The following NDUFAB1 variants were observed in gnomAD, a reference collection of about 807,000 sequenced individuals.
The protein encoded by NDUFAB1 is NADH:ubiquinone oxidoreductase subunit AB1.
NDUFAB1 carries 5 observed loss-of-function variants against 16.1 expected under a neutral mutation model. The ratio of observed to expected loss-of-function variants is 0.31; its 90% CI spans 0.16 to 0.65. The LOEUF is 0.65. Ranked by LOEUF, NDUFAB1 falls within the 30% of genes least tolerant of loss-of-function variation. NDUFAB1 has a pLI of 0.77. For missense variants in NDUFAB1, 187 were observed against 205.3 expected (o/e 0.91, Z 0.54); for synonymous variants, 85 against 78.4 (o/e 1.08, Z -0.44).
chr16:23,585,507 A>C (rs1966224872), intron 2 of NDUFAB1, 84 bp from the exon 3 acceptor site: 1 of 920,136 alleles, frequency 1.1e-6, no homozygotes, highest in South Asian at 1.3e-5. Context: ...AATGCCACTT[A>C]ATCACTATAT....
intron 3 of NDUFAB1, among the ~76,000 whole-genome samples, chr16:23,582,936 C>A (rs986899300): frequency 2.0e-5 from 3 of 152,362 alleles, no homozygotes; most frequent in African/African-American, 7.2e-5. Context: ...CCTGCCTCGG[C>A]CTGCCCAGTG....
chr16:23,584,254 T>TAAAAAAAAAAAAAAAAAAAA (rs774895056), intron 3 of NDUFAB1, among the ~76,000 whole-genome samples: 1 of 12,114 alleles, frequency 8.3e-5, no homozygotes, highest in Non-Finnish European at 2.3e-4. Flanking sequence ...GAATGATCAA[T>TAAAAAAAAAAAAAAAAAAAA]TAAAAAAAAA....
At chr16:23,588,838 C>T (rs933201528) in intron 1 of NDUFAB1, among the ~76,000 whole-genome samples, 1 of 152,048 alleles carries the variant, frequency 6.6e-6, no homozygotes, top group Non-Finnish European at 1.5e-5. Flanking sequence ...ATTAGCTGGG[C>T]GTGGTGGTGT....
chr16:23,582,302 C>A lies in NDUFAB1; in HGVS notation c.453G>T (p.Lys151Asn), dbSNP rs376110070. 5.1e-6 allele frequency: 8 copies of A among 1,567,644 alleles called. No homozygotes were observed. Among genetic ancestry groups the A allele is most frequent in the Non-Finnish European group, 6.9e-6 (8 of 1,158,632 alleles). ...TGATACTTTATTCATATACATCCTTCTTATCTGCAATGTAATCTACAATTT... is the reference window on the plus strand; with the variant it reads ...TGATACTTTATTCATATACATCCTTATTATCTGCAATGTAATCTACAATTT... ...PQEIVDYIAD[K>N]KDVYE The change falls in exon 4 of 5, where the codon AAG becomes AAT. Residue 151 changes from lysine to asparagine, a missense_variant. Transcript: ENST00000007516.
chr16:23,583,074 C>T (rs1966196385), intron 3 of NDUFAB1, among the ~76,000 whole-genome samples: 1 of 152,416 alleles, frequency 6.6e-6, no homozygotes, highest in South Asian at 2.1e-4. Flanking sequence ...CAGCCTCGGC[C>T]TCCCGAGGTG....
intron 3 of NDUFAB1, among the ~76,000 whole-genome samples, chr16:23,584,757 T>C (rs543963605): frequency 4.6e-5 from 7 of 152,302 alleles, no homozygotes; most frequent in African/African-American, 1.7e-4. Flanking sequence ...CTGTGAGGAA[T>C]TTTAACTAGG....
In NDUFAB1 at chr16:23,587,274, G is replaced by A. The variant is rs755969539; in HGVS notation, c.214C>T (p.Pro72Ser). Residue 72 changes from proline to serine, a missense_variant, in exon 2 of 5, where the codon CCT (proline) becomes TCT (serine). Around this residue, in one of 3 missense-constraint regions of NDUFAB1, gnomAD observed 135 missense variants for 129.4 expected, o/e 1.04. Coordinates refer to ENST00000007516, the MANE Select transcript of NDUFAB1 (RefSeq NM_005003.3). ...TQLCRQYSDM[P>S]PLTLEGIQDR... is the part of the protein sequence containing the mutation. ...TGGATGCCCTCTAACGTCAAAGGAG[G>A]CATGTCGCTATACTGGCGGCACAAC... is the stretch of plus-strand genomic sequence containing the variant. 4.3e-6 allele frequency: 7 copies of A among 1,613,952 alleles called. No individual in the cohort carries two copies. The Middle Eastern group carries it at 8.2e-4, about 190-fold the overall frequency.
chr16:23,587,117 G>A, intron 2 of NDUFAB1, 80 bp downstream of exon 2: 2 of 1,413,684 alleles, frequency 1.4e-6, no homozygotes, highest in Middle Eastern at 1.8e-4. Context: ...TTTTTACTGA[G>A]TATCTTTCCC....
intron 1 of NDUFAB1, among the ~76,000 whole-genome samples, chr16:23,588,795 TG>T (rs1270691936): frequency 6.6e-6 from 1 of 152,074 alleles, no homozygotes; most frequent in East Asian, 1.9e-4. Flanking sequence ...CTGGCCAACA[TG>T]GTGAAGCCTC....
chr16:23,581,797 GAGCT>G (rs1966182043), intron 4 of NDUFAB1: 1 of 152,368 alleles, frequency 6.6e-6, no homozygotes, highest in African/African-American at 2.4e-5. Flanking sequence ...GAGGCTTACA[GAGCT>G]AAGCAGCCTG....
chr16:23,588,654 C>A (rs898804041), intron 1 of NDUFAB1, among the ~76,000 whole-genome samples: 2 of 152,146 alleles, frequency 1.3e-5, no homozygotes, highest in Non-Finnish European at 2.9e-5. Context: ...ACCAGTATAA[C>A]CTCTGTAGAA....
At chr16:23,591,444 G>T (rs1966278466) in intron 1 of NDUFAB1, among the ~76,000 whole-genome samples, 1 of 152,172 alleles carries the variant, frequency 6.6e-6, no homozygotes, top group African/African-American at 2.4e-5. Context: ...GGCTTTAAAG[G>T]CCGTCTCTAC....
intron 1 of NDUFAB1, chr16:23,595,418 C>G (rs1312728335): frequency 2.7e-6 from 1 of 376,262 alleles, no homozygotes; most frequent in Admixed American, 3.4e-5. Context: ...CCCAAATCCC[C>G]GCACACTCAC....
chr16:23,582,952 G>C (rs1041510261), intron 3 of NDUFAB1, among the ~76,000 whole-genome samples: 17 of 148,568 alleles, frequency 1.1e-4, no homozygotes, highest in Non-Finnish European at 5.9e-5. Context: ...CAGTGCCTGC[G>C]ATTGCAGGCA....
chr16:23,596,316 C>T lies in NDUFAB1; in HGVS notation c.-26G>A. 6.6e-7 allele frequency: 1 copy of T among 1,520,132 alleles called. No individual in the cohort carries two copies. The allele number at this position is 1,520,132 out of a possible 1,614,324, so 94.2% of individuals were successfully genotyped here. The stretch of plus-strand genomic sequence containing the variant: ...GGCTACGCCAACCCAGGATGCACTG[C>T]GCCGCCGCCTCCGGACCAGGGTTCC... On this transcript the variant is annotated 5_prime_UTR_variant, in exon 1 of 5. Coordinates refer to ENST00000007516, the MANE Select transcript of NDUFAB1 (RefSeq NM_005003.3).
At chr16:23,584,789 A>T (rs1966219324) in intron 3 of NDUFAB1, among the ~76,000 whole-genome samples, 1 of 152,222 alleles carries the variant, frequency 6.6e-6, no homozygotes, top group Non-Finnish European at 1.5e-5. Flanking sequence ...AGAACAGCAC[A>T]GAAGTCCTTT....
intron 4 of NDUFAB1, chr16:23,582,069 T>C (rs1966184025): frequency 2.3e-6 from 1 of 437,710 alleles, no homozygotes; most frequent in African/African-American, 2.1e-5. Context: ...AAGGGAGTTC[T>C]ATCCAGGAAT....
At chr16:23,584,979 C>G (rs1485369145) in intron 3 of NDUFAB1, among the ~76,000 whole-genome samples, 1 of 152,216 alleles carries the variant, frequency 6.6e-6, no homozygotes, top group Non-Finnish European at 1.5e-5. Context: ...TTCGCGTTAC[C>G]CGAGCTCAGG....
chr16:23,594,946 A>G (rs1194052515), intron 1 of NDUFAB1, among the ~76,000 whole-genome samples: 1 of 151,866 alleles, frequency 6.6e-6, no homozygotes, highest in African/African-American at 2.4e-5. Flanking sequence ...AGTCATCTGG[A>G]GAACTTAGAA....
Sources: allele counts gnomAD v4.1 joint callset (sites outside exome capture counted in the v4.1 genomes callset), GRCh38; gene constraint gnomAD v4.1.1; regional missense constraint gnomAD v4.1.1; transcripts MANE v1.5; gene names NCBI Gene and HGNC (gene_info 2026-07-23, HGNC 2026-07-21).